PTPRN2: variants seen among roughly 807,000 people sequenced by gnomAD.
The protein encoded by PTPRN2 is protein tyrosine phosphatase receptor type N2, also known as receptor-type tyrosine-protein phosphatase N2.
Under a neutral mutation model 118.8 loss-of-function variants are expected in PTPRN2, and 74 were observed. The observed-to-expected ratio is 0.62, with a 90% confidence interval of 0.52 to 0.76. The LOEUF (loss-of-function observed/expected upper bound fraction) is 0.76. Ranked by LOEUF, PTPRN2 falls within the 30% of genes least tolerant of loss-of-function variation. The pLI is 0.00. For synonymous variants in PTPRN2, 641 were observed against 608.0 expected, an observed-to-expected ratio of 1.05 and a Z score of -0.80; for missense variants, 1,481 against 1,394.4, an observed-to-expected ratio of 1.06 and a Z score of -0.99.
At chr7:158,319,515 ACACAGCCTCCCT>A (rs1802687643) in intron 2 of PTPRN2, among the ~76,000 whole-genome samples, 3 of 81,504 alleles carry the variant, frequency 3.7e-5, no homozygotes, top group African/African-American at 1.6e-4. Flanking sequence ...CCCCCCACAC[ACACAGCCTCCCT>A]CACACACACA....
At chr7:157,620,692 C>G (rs953504572) in intron 15 of PTPRN2, among the ~76,000 whole-genome samples, 1 of 152,144 alleles carries the variant, frequency 6.6e-6, no homozygotes, top group Non-Finnish European at 1.5e-5. Context: ...TCCCCAGGCC[C>G]GTGCTGGAGG....
At chr7:158,362,722 A>T (rs1384054134) in intron 2 of PTPRN2, among the ~76,000 whole-genome samples, 3 of 152,228 alleles carry the variant, frequency 2.0e-5, no homozygotes, top group Admixed American at 2.0e-4. Context: ...CATCCTGGTG[A>T]AAATGCAGAG....
chr7:158,367,212 C>T (rs1319760617), intron 2 of PTPRN2, among the ~76,000 whole-genome samples: 2 of 152,206 alleles, frequency 1.3e-5, no homozygotes, highest in Admixed American at 6.5e-5. Flanking sequence ...CCTGCTGCTA[C>T]GGCAGCTGAA....
At chr7:158,524,937 G>A (rs1275707302) in intron 1 of PTPRN2, among the ~76,000 whole-genome samples, 3 of 152,288 alleles carry the variant, frequency 2.0e-5, no homozygotes, top group East Asian at 3.9e-4. Context: ...CTGTAGTTCC[G>A]ATGAGGCCAC....
At chr7:158,113,417 T>C (rs1178351711) in intron 9 of PTPRN2, among the ~76,000 whole-genome samples, 1 of 152,012 alleles carries the variant, frequency 6.6e-6, no homozygotes, top group Non-Finnish European at 1.5e-5. Flanking sequence ...ATAGGAGTGA[T>C]GAGACAAGGT....
chr7:158,205,937 G>A (rs961596358), intron 3 of PTPRN2, among the ~76,000 whole-genome samples: 6 of 152,184 alleles, frequency 3.9e-5, no homozygotes, highest in Non-Finnish European at 8.8e-5. Flanking sequence ...TCTGAGTTCT[G>A]ACAAGCCTCA....
intron 3 of PTPRN2, among the ~76,000 whole-genome samples, chr7:158,294,380 A>G (rs1020961049): frequency 2.0e-5 from 3 of 152,228 alleles, no homozygotes; most frequent in Admixed American, 1.3e-4. Flanking sequence ...ATGAAATTAC[A>G]TGAGAGTTTG....
chr7:157,808,205 G>A lies in PTPRN2; in HGVS notation c.1788+90468C>T, dbSNP rs181283819. Among the ~76,000 whole-genome samples, 281 of 151,482 alleles carry A rather than the reference G, an allele frequency of 1.9e-3. 2 individuals carry two copies. The highest frequency in any genetic ancestry group is 6.0e-3 in the African/African-American group (245 of 40,890). On this transcript the variant is annotated intron_variant, in intron 12 of 22. Transcript: ENST00000389418. This position sits in a 1 kb window ranked among gnomAD's most constrained non-coding sequence, Gnocchi z 5.0. ...GAGTGGTGGGTGAGTGAGCTGTTGAGTGGCCGGTGAGTGGTGGGTGAGTGA... is the reference window on the plus strand; with the variant it reads ...GAGTGGTGGGTGAGTGAGCTGTTGAATGGCCGGTGAGTGGTGGGTGAGTGA...
chr7:157,678,511 G>A (rs577926338), intron 13 of PTPRN2, among the ~76,000 whole-genome samples: 6 of 152,312 alleles, frequency 3.9e-5, no homozygotes, highest in African/African-American at 1.4e-4. Flanking sequence ...GGGGTAAGAA[G>A]TCAGGGTGCA....
At chr7:157,741,107 C>T (rs993544528) in intron 12 of PTPRN2, among the ~76,000 whole-genome samples, 2 of 152,154 alleles carry the variant, frequency 1.3e-5, no homozygotes, top group Admixed American at 6.5e-5. Context: ...AACTCACAGT[C>T]GGAGCCACCC....
chr7:158,538,497 G>A (rs577003525), intron 1 of PTPRN2, among the ~76,000 whole-genome samples: 13 of 152,284 alleles, frequency 8.5e-5, no homozygotes, highest in African/African-American at 3.1e-4. Context: ...AGCCTCCGTG[G>A]GTCGTGATTT....
intron 5 of PTPRN2, among the ~76,000 whole-genome samples, chr7:158,183,463 C>T (rs557802679): frequency 6.6e-6 from 1 of 152,180 alleles, no homozygotes; most frequent in Non-Finnish European, 1.5e-5. Flanking sequence ...TTTGTCCCCA[C>T]TCAAGATTAG....
intron 12 of PTPRN2, among the ~76,000 whole-genome samples, chr7:157,756,491 C>T (rs1475567128): frequency 6.6e-6 from 1 of 152,036 alleles, no homozygotes; most frequent in Non-Finnish European, 1.5e-5. Context: ...AGACGGGTTG[C>T]ACCATGTTGG....
chr7:158,153,942 A>T (rs1187225560), intron 6 of PTPRN2, among the ~76,000 whole-genome samples: 1 of 151,928 alleles, frequency 6.6e-6, no homozygotes, highest in Non-Finnish European at 1.5e-5. Context: ...CAGACTGGAC[A>T]TGGGGGGACA....
chr7:158,146,287 C>T (rs550312023), intron 6 of PTPRN2, among the ~76,000 whole-genome samples: 3 of 152,082 alleles, frequency 2.0e-5, no homozygotes, highest in Admixed American at 6.5e-5. Flanking sequence ...AAATGTTAAC[C>T]TATATTTAAA....
intron 3 of PTPRN2, among the ~76,000 whole-genome samples, chr7:158,312,186 A>C (rs947225166): frequency 6.8e-6 from 1 of 148,056 alleles, no homozygotes; most frequent in Non-Finnish European, 1.5e-5. Flanking sequence ...TCACATGCTC[A>C]TGTGTAGACA....
chr7:158,166,471 A>G (rs55959714), intron 6 of PTPRN2, among the ~76,000 whole-genome samples: 551 of 9,474 alleles, frequency 0.058, 140 homozygotes, highest in Middle Eastern at 0.3. Flanking sequence ...CCCACTGGCC[A>G]CTGTGTTCAC....
At chr7:157,847,193 T>C (rs1808897540) in intron 12 of PTPRN2, among the ~76,000 whole-genome samples, 1 of 136,264 alleles carries the variant, frequency 7.3e-6, no homozygotes. Flanking sequence ...CCATCACGTG[T>C]GCCCGATGTT....
At chr7:158,212,968 T>C (rs1171714485) in intron 3 of PTPRN2, among the ~76,000 whole-genome samples, 3 of 152,202 alleles carry the variant, frequency 2.0e-5, no homozygotes, top group Admixed American at 6.5e-5. Context: ...TATGCATTAA[T>C]TACATGCACT....
Sources: gnomAD v4.1 joint callset for allele counts (sites outside exome capture counted in the v4.1 genomes callset) on GRCh38, gnomAD v4.1.1 for gene constraint, Gnocchi (gnomAD v3.1) non-coding constraint, MANE v1.5 for transcripts, NCBI Gene and HGNC (gene_info 2026-07-23, HGNC 2026-07-21) for gene names.